Variants in PLA2G4C observed in about 807,000 individuals in gnomAD.
PLA2G4C encodes cytosolic phospholipase A2 gamma.
PLA2G4C carries 64 observed loss-of-function variants against 73.8 expected under a neutral mutation model. The ratio of observed to expected loss-of-function variants is 0.87; its 90% CI spans 0.71 to 1.07. The LOEUF (loss-of-function observed/expected upper bound fraction) is 1.07, where lower values mean the gene tolerates loss of function less well. Among genes scored for constraint, PLA2G4C ranks in the 50% least tolerant of loss-of-function variants. PLA2G4C has a pLI of 0.00. For missense variants in PLA2G4C, 622 were observed against 665.4 expected (o/e 0.93, Z 0.72); for synonymous variants, 254 against 252.1 (o/e 1.01, Z -0.07).
At chr19:48,092,525 A>G (rs2031365367) in intron 7 of PLA2G4C, among the ~76,000 whole-genome samples, 1 of 152,266 alleles carries the variant, frequency 6.6e-6, no homozygotes, top group Non-Finnish European at 1.5e-5. Flanking sequence ...CGATGGATGA[A>G]TTGATAAGCA....
rs1307770213 is a variant in PLA2G4C at position 48,072,117 on chromosome 19, G to A, written c.1006+2650C>T. Among the ~76,000 whole-genome samples the A allele has an allele frequency of 6.6e-6, 1 of 152,050 alleles. No individual in the cohort carries two copies. The highest frequency in any genetic ancestry group is 1.5e-5 in the Non-Finnish European group (1 of 67,994). On this transcript the variant is annotated intron_variant, in intron 12 of 16. Coordinates refer to ENST00000599921, the MANE Select transcript of PLA2G4C (RefSeq NM_003706.3). The surrounding 1 kb of genome is among the most constrained non-coding windows in gnomAD (Gnocchi z 4.4). ...GCCAAGATTGCACCACCGCACTCCA[G>A]CTTGGGTGACAGAGCGAGACTCCAT...
chr19:48,087,806 T>G (rs1292169468), intron 9 of PLA2G4C, among the ~76,000 whole-genome samples: 2 of 151,962 alleles, frequency 1.3e-5, no homozygotes, highest in African/African-American at 4.8e-5. Flanking sequence ...TGGTGGCAAG[T>G]GCCTGCAATC....
chr19:48,051,718 A>G (rs1228215597), intron 16 of PLA2G4C: 2 of 152,046 alleles, frequency 1.3e-5, no homozygotes, highest in African/African-American at 4.8e-5. Context: ...TGGGGATTAC[A>G]ATTCGAGATG....
rs1321901209 is a variant in PLA2G4C at position 48,072,101 on chromosome 19, G to A, written c.1006+2666C>T. On this transcript the variant is annotated intron_variant, in intron 12 of 16. Transcript: ENST00000599921. This position sits in a 1 kb window ranked among gnomAD's most constrained non-coding sequence, Gnocchi z 4.4. ...GCAGAGGTTGCAGTGAGCCAAGATT[G>A]CACCACCGCACTCCAGCTTGGGTGA... 1.3e-5 allele frequency among the ~76,000 whole-genome samples: 2 copies of A among 151,780 alleles called. No individual in the cohort carries two copies. The highest frequency in any genetic ancestry group is 2.9e-5 in the Non-Finnish European group (2 of 67,960).
chr19:48,110,543 C>A lies in PLA2G4C; in HGVS notation c.-89G>T, dbSNP rs996192970. ...GCGGTGGAGCTTGTGCTCCGGAATC[C>A]GGTGCGGAGGCTTGGGCTCCCTGCG... On this transcript the variant is annotated 5_prime_UTR_variant, in exon 1 of 17. Transcript: ENST00000599921. 6.5e-7 allele frequency: 1 copy of A among 1,530,926 alleles called. No homozygotes were observed. The highest frequency in any genetic ancestry group is 1.2e-5 in the South Asian group (1 of 83,248). 94.8% of individuals were successfully genotyped at this position (1,530,926 alleles called of 1,614,324 possible). A position where few individuals can be genotyped will look rare whatever the true frequency, so the allele number is the denominator to read the frequency against.
At chr19:48,074,152 A>G (rs2122546669) in intron 12 of PLA2G4C, among the ~76,000 whole-genome samples, 1 of 150,506 alleles carries the variant, frequency 6.6e-6, no homozygotes, top group South Asian at 2.1e-4. Flanking sequence ...CGCCCCCAAC[A>G]GGCCCCAGTG....
intron 4 of PLA2G4C, 32 bp from the exon 5 acceptor site, chr19:48,099,892 A>G (rs1400506357): frequency 6.7e-7 from 1 of 1,503,266 alleles, no homozygotes; most frequent in East Asian, 2.3e-5. Flanking sequence ...TGAGTTGGGC[A>G]TTTTAAGTGT....
chr19:48,104,729 G>A lies in PLA2G4C; in HGVS notation c.121-5C>T, dbSNP rs369579936. ...CAGCACAGCAACAACTGGGGCCTAG[G>A]CATTGGGGAGAAAATCGATCAGAGG... On this transcript the variant is annotated splice_region_variant and splice_polypyrimidine_tract_variant and intron_variant, in intron 3 of 16. Transcript: ENST00000599921. The A allele has an allele frequency of 5.6e-6, 9 of 1,613,616 alleles. No individual in the cohort carries two copies. In the African/African-American group the frequency reaches 6.7e-5, roughly 12 times the overall value.
Position 48,098,147 on chromosome 19 carries a change from C to T in PLA2G4C, c.560G>A (p.Arg187Lys), listed in dbSNP as rs1015873702. 6.2e-7 allele frequency: 1 copy of T among 1,613,538 alleles called. No individual in the cohort carries two copies. Among genetic ancestry groups the T allele is most frequent in the Admixed American group, 1.7e-5 (1 of 59,952 alleles). Reference sequence around the variant, plus strand: ...TCTAAATGTTTGCTTACCTGGTGCTCTTGCCTCCTGCCAGGAAGGTTGCAG... The same window carrying T: ...TCTAAATGTTTGCTTACCTGGTGCTTTTGCCTCCTGCCAGGAAGGTTGCAG... ...NDLQPSWQEARAPETWFEFTP... is the reference protein window; with the variant it reads ...NDLQPSWQEAKAPETWFEFTP... Residue 187 changes from arginine (R) to lysine (K), a missense_variant, in exon 6 of 17, where the codon AGA (arginine) becomes AAA (lysine). Coordinates refer to ENST00000599921, the MANE Select transcript of PLA2G4C (RefSeq NM_003706.3).
intron 9 of PLA2G4C, among the ~76,000 whole-genome samples, chr19:48,087,316 C>G (rs1190396200): frequency 6.6e-6 from 1 of 152,190 alleles, no homozygotes; most frequent in Admixed American, 6.5e-5. Flanking sequence ...AAGGGGATGT[C>G]TTTCCCCTCT....
chr19:48,053,209 AT>A (rs2122425023), intron 15 of PLA2G4C, 62 bp from the exon 16 acceptor site: 1 of 1,327,816 alleles, frequency 7.5e-7, no homozygotes, highest in South Asian at 1.4e-5. Flanking sequence ...AATTCTGCAG[AT>A]TTTTGTCTAT....
At chr19:48,098,749 A>AAAAAAAAAAAAAAAAAAG (rs2031743629) in intron 5 of PLA2G4C, among the ~76,000 whole-genome samples, 1 of 135,568 alleles carries the variant, frequency 7.4e-6, no homozygotes, top group Non-Finnish European at 1.6e-5. Context: ...AAAAAAAAAA[A>AAAAAAAAAAAAAAAAAAG]AAATTTGTCA....
rs377414088 is a variant in PLA2G4C at position 48,105,385 on chromosome 19, C to T, written c.68G>A (p.Arg23Gln). 1.2e-4 allele frequency: 191 copies of T among 1,613,890 alleles called. No homozygotes were observed. Among genetic ancestry groups the T allele is most frequent in the Middle Eastern group, 6.6e-4 (4 of 6,082 alleles). The stretch of plus-strand genomic sequence containing the variant: ...CAGAGCTTTCAGCACATGAAGTCTT[C>T]GTCTCTCCACGGCCGCCTTTTCTTC... ...QKEEKAAVERRRLHVLKALKK... is the reference protein window; with the variant it reads ...QKEEKAAVERQRLHVLKALKK... The change falls in exon 3 of 17, where the codon CGA (arginine) becomes CAA (glutamine). Residue 23 changes from arginine to glutamine, a missense_variant. Transcript: ENST00000599921.
chr19:48,065,744 C>T (rs896928403), intron 13 of PLA2G4C, among the ~76,000 whole-genome samples: 3 of 152,126 alleles, frequency 2.0e-5, no homozygotes, highest in Middle Eastern at 3.4e-3. Flanking sequence ...AGTTTTATCA[C>T]GTATATGATG....
intron 5 of PLA2G4C, among the ~76,000 whole-genome samples, chr19:48,098,894 C>T (rs1363741699): frequency 6.7e-6 from 1 of 150,004 alleles, no homozygotes; most frequent in Non-Finnish European, 1.5e-5. Context: ...AGAGTGAAAC[C>T]CTGTCTCAAG....
At chr19:48,075,158 ATT>A (rs2030056602) in intron 11 of PLA2G4C, among the ~76,000 whole-genome samples, 1 of 43,532 alleles carries the variant, frequency 2.3e-5, no homozygotes, top group African/African-American at 6.9e-5. Flanking sequence ...TCTCCCATTT[ATT>A]TATTTATTTA....
chr19:48,088,447 G>GAATC (rs2031107634), intron 9 of PLA2G4C, among the ~76,000 whole-genome samples: 1 of 151,916 alleles, frequency 6.6e-6, no homozygotes, highest in African/African-American at 2.4e-5. Context: ...AAATGAGAAG[G>GAATC]AATCAGAAAA....
At chr19:48,068,385 T>C (rs1968529254) in intron 12 of PLA2G4C, among the ~76,000 whole-genome samples, 1 of 149,766 alleles carries the variant, frequency 6.7e-6, no homozygotes, top group African/African-American at 2.5e-5. Context: ...TCAATAGGAC[T>C]GGGGTCTTTA....
At chr19:48,085,028 G>A in intron 10 of PLA2G4C, 31 bp downstream of exon 10, 1 of 1,525,196 alleles carries the variant, frequency 6.6e-7, no homozygotes, top group Non-Finnish European at 9.1e-7. Context: ...ATATCTCTAG[G>A]CTTTGACCTT....
Sources: gnomAD v4.1 joint callset for allele counts (sites outside exome capture counted in the v4.1 genomes callset) on GRCh38, gnomAD v4.1.1 for gene constraint, Gnocchi (gnomAD v3.1) non-coding constraint, MANE v1.5 for transcripts, NCBI Gene and HGNC (gene_info 2026-07-23, HGNC 2026-07-21) for gene names.